PEBP4: variants seen among roughly 807,000 people sequenced by gnomAD.
The protein encoded by PEBP4 is phosphatidylethanolamine-binding protein 4.
PEBP4 carries 22 observed loss-of-function variants against 23.9 expected under a neutral mutation model. The ratio of observed to expected loss-of-function variants is 0.92; its 90% CI spans 0.66 to 1.31. The LOEUF (loss-of-function observed/expected upper bound fraction) is 1.31, where lower values mean the gene tolerates loss of function less well. PEBP4 is among the 40% of genes most tolerant of loss of function. The probability of loss-of-function intolerance (pLI) is 0.00; values close to 1 mark genes in which losing one functional copy is unlikely to be tolerated. For missense variants in PEBP4, 324 were observed against 281.7 expected (o/e 1.15, Z -1.07); for synonymous variants, 112 against 99.3 (o/e 1.13, Z -0.76).
At chr8:22,835,026 T>G (rs554141098) in intron 3 of PEBP4, among the ~76,000 whole-genome samples, 2 of 152,300 alleles carry the variant, frequency 1.3e-5, no homozygotes, top group African/African-American at 2.4e-5. Flanking sequence ...TTCTGACAAG[T>G]GGGTGCCAGA....
At chr8:22,796,374 A>C (rs974495783) in intron 4 of PEBP4, among the ~76,000 whole-genome samples, 1 of 152,144 alleles carries the variant, frequency 6.6e-6, no homozygotes, top group Non-Finnish European at 1.5e-5. Context: ...CTAGAGCCCC[A>C]TACAGTGCCC....
chr8:22,754,335 C>T (rs1805331423), intron 4 of PEBP4, among the ~76,000 whole-genome samples: 1 of 152,212 alleles, frequency 6.6e-6, no homozygotes, highest in East Asian at 1.9e-4. Flanking sequence ...GAGACCTTGT[C>T]TCTGTGACTG....
chr8:22,934,408 A>C (rs1809506538), intron 1 of PEBP4, among the ~76,000 whole-genome samples: 1 of 152,218 alleles, frequency 6.6e-6, no homozygotes, highest in African/African-American at 2.4e-5. Context: ...TGTTATATGT[A>C]ATTCCCATGG....
intron 4 of PEBP4, among the ~76,000 whole-genome samples, chr8:22,793,994 C>A (rs1396138857): frequency 6.6e-6 from 1 of 152,032 alleles, no homozygotes; most frequent in Non-Finnish European, 1.5e-5. Context: ...TCAAACATTG[C>A]CAATTTAATG....
chr8:22,768,924 C>T (rs1805662531), intron 4 of PEBP4, among the ~76,000 whole-genome samples: 1 of 152,200 alleles, frequency 6.6e-6, no homozygotes, highest in Admixed American at 6.5e-5. Flanking sequence ...CTCCGGGGCT[C>T]TGCCACATGT....
At chr8:22,747,886 A>G (rs1456285013) in intron 4 of PEBP4, among the ~76,000 whole-genome samples, 1 of 152,164 alleles carries the variant, frequency 6.6e-6, no homozygotes, top group Non-Finnish European at 1.5e-5. Context: ...TGCTCACACA[A>G]GCACTGTGGA....
chr8:22,933,239 G>A (rs1809487731), intron 1 of PEBP4, among the ~76,000 whole-genome samples: 1 of 152,170 alleles, frequency 6.6e-6, no homozygotes. Context: ...GAAACCAGCA[G>A]ACCGACTACA....
At chr8:22,783,305 A>G (rs1478563090) in intron 4 of PEBP4, among the ~76,000 whole-genome samples, 1 of 152,224 alleles carries the variant, frequency 6.6e-6, no homozygotes, top group East Asian at 1.9e-4. Flanking sequence ...AAGGATGGGC[A>G]TGGCTGTCTA....
chr8:22,771,895 G>T (rs775746327), intron 4 of PEBP4, among the ~76,000 whole-genome samples: 6 of 152,190 alleles, frequency 3.9e-5, no homozygotes, highest in Non-Finnish European at 5.9e-5. Flanking sequence ...CTGCAAAATT[G>T]CCCTGAGCTG....
At chr8:22,908,024 A>AG (rs1482052961) in intron 3 of PEBP4, among the ~76,000 whole-genome samples, 1 of 151,824 alleles carries the variant, frequency 6.6e-6, no homozygotes, top group Non-Finnish European at 1.5e-5. Flanking sequence ...AAAAAAAAAA[A>AG]AGAGATACTG....
chr8:22,714,184 T>G (rs928307919), intron 6 of PEBP4, among the ~76,000 whole-genome samples: 9 of 151,344 alleles, frequency 5.9e-5, no homozygotes, highest in Non-Finnish European at 8.8e-5. Flanking sequence ...GTCGGAGGGG[T>G]TCCTCCTCAG....
chr8:22,837,070 A>G (rs1014506085), intron 3 of PEBP4, among the ~76,000 whole-genome samples: 2 of 152,204 alleles, frequency 1.3e-5, no homozygotes, highest in Non-Finnish European at 2.9e-5. Context: ...AGTATGAATC[A>G]TCTTTCGACT....
intron 4 of PEBP4, among the ~76,000 whole-genome samples, chr8:22,740,334 C>T (rs940807189): frequency 4.9e-4 from 74 of 152,190 alleles, no homozygotes; most frequent in African/African-American, 1.7e-3. Flanking sequence ...TGCTCTTTTC[C>T]GAGGGACTGA....
chr8:22,908,033 T>C (rs1046652099), intron 3 of PEBP4, among the ~76,000 whole-genome samples: 33 of 149,762 alleles, frequency 2.2e-4, no homozygotes, highest in Admixed American at 6.0e-4. Context: ...AAAGAGATAC[T>C]GATGACTCCA....
rs1030979141 is a variant in PEBP4 at position 22,821,404 on chromosome 8, G to A, written c.259-3669C>T. ...CATGAGGTGACCGGGTAGGGCAGAC[G>A]TAGGAGAGGAAGAAGCCAGGACGAC... On this transcript the variant is annotated intron_variant, in intron 3 of 6. Transcript: ENST00000256404. Among the ~76,000 whole-genome samples, 6 of 152,162 alleles carry A rather than the reference G, an allele frequency of 3.9e-5. No homozygotes were observed. The South Asian group carries it at 6.2e-4, about 16-fold the overall frequency.
chr8:22,888,887 C>G (rs1364464706), intron 3 of PEBP4, among the ~76,000 whole-genome samples: 3 of 152,230 alleles, frequency 2.0e-5, no homozygotes, highest in African/African-American at 7.2e-5. Context: ...GCTCCCATCT[C>G]TCCGCTTTCC....
At chr8:22,778,925 G>C (rs1390807676) in intron 4 of PEBP4, among the ~76,000 whole-genome samples, 1 of 152,178 alleles carries the variant, frequency 6.6e-6, no homozygotes, top group Non-Finnish European at 1.5e-5. Context: ...CATGTTGTCG[G>C]AGGCTGTCCT....
In PEBP4 at chr8:22,865,441, G is replaced by A. The variant is rs1452919838; in HGVS notation, c.259-47706C>T. Among the ~76,000 whole-genome samples the A allele has an allele frequency of 6.6e-6, 1 of 151,946 alleles. No homozygotes were observed. The highest frequency in any genetic ancestry group is 1.5e-5 in the Non-Finnish European group (1 of 67,924). Reference sequence around the variant, plus strand: ...CACCTGCGCCTCCAGGGCGTTGGGCGGGGGCCGCACTTTCCCCGCCGCGAG... The same window carrying A: ...CACCTGCGCCTCCAGGGCGTTGGGCAGGGGCCGCACTTTCCCCGCCGCGAG... On this transcript the variant is annotated intron_variant, in intron 3 of 6. Transcript: ENST00000256404. This position sits in a 1 kb window ranked among gnomAD's most constrained non-coding sequence, Gnocchi z 6.9.
chr8:22,908,319 A>G (rs1330431452), intron 3 of PEBP4, among the ~76,000 whole-genome samples: 1 of 152,130 alleles, frequency 6.6e-6, no homozygotes, highest in East Asian at 1.9e-4. Flanking sequence ...AGAGCCAGAA[A>G]GAGTGAAAGT....
Sources: gnomAD v4.1 joint callset for allele counts (sites outside exome capture counted in the v4.1 genomes callset) on GRCh38, gnomAD v4.1.1 for gene constraint, Gnocchi (gnomAD v3.1) non-coding constraint, MANE v1.5 for transcripts, NCBI Gene and HGNC (gene_info 2026-07-23, HGNC 2026-07-21) for gene names.